WNT3A: variants seen among roughly 807,000 people sequenced by gnomAD.
WNT3A encodes protein Wnt-3a.
WNT3A carries 17 observed loss-of-function variants against 37.0 expected under a neutral mutation model. That is an observed-to-expected ratio of 0.46 (90% CI 0.31 to 0.69). The LOEUF is 0.69. Among genes scored for constraint, WNT3A ranks in the 30% least tolerant of loss-of-function variants. The pLI, the probability that WNT3A is intolerant of heterozygous loss-of-function variation, is 0.05. For missense variants in WNT3A, 411 were observed against 510.2 expected (o/e 0.81, Z 1.87); for synonymous variants, 187 against 211.0 (o/e 0.89, Z 0.99).
At chr1:228,052,846 G>GGGACGTGGA (rs2031587152) in intron 3 of WNT3A, among the ~76,000 whole-genome samples, 1 of 152,298 alleles carries the variant, frequency 6.6e-6, no homozygotes, top group South Asian at 2.1e-4. Flanking sequence ...TGGGAGAAAT[G>GGGACGTGGA]GGCTTTTCAA....
chr1:228,016,193 C>T (rs548224130), intron 1 of WNT3A, among the ~76,000 whole-genome samples: 1 of 152,120 alleles, frequency 6.6e-6, no homozygotes, highest in Non-Finnish European at 1.5e-5. Flanking sequence ...CCCAAGGGAG[C>T]CCCCAAGGAC....
chr1:228,036,376 CAT>C (rs899257289), intron 2 of WNT3A, among the ~76,000 whole-genome samples: 11 of 149,178 alleles, frequency 7.4e-5, no homozygotes, highest in South Asian at 2.1e-4. Flanking sequence ...TATGCATGTG[CAT>C]GTGTGTGTGT....
intron 2 of WNT3A, among the ~76,000 whole-genome samples, chr1:228,030,509 C>G (rs553416023): frequency 6.6e-6 from 1 of 152,334 alleles, no homozygotes; most frequent in East Asian, 1.9e-4. Context: ...AGAGGTCTGA[C>G]CCAGTGAGAA....
intron 2 of WNT3A, among the ~76,000 whole-genome samples, chr1:228,025,551 G>A (rs1026257658): frequency 3.3e-5 from 5 of 152,152 alleles, no homozygotes; most frequent in Non-Finnish European, 7.3e-5. Context: ...ATTTTGCTGT[G>A]TTTCCCAGAC....
rs751711828 is a variant in WNT3A at position 228,059,377 on chromosome 1, G to C, written c.971G>C (p.Arg324Pro). The change falls in exon 4 of 4, where the codon CGG becomes CCG. Residue 324 changes from arginine to proline, a missense_variant. Coordinates refer to ENST00000284523, the MANE Select transcript of WNT3A (RefSeq NM_033131.4). The part of the protein sequence containing the change: ...RGHNARAERR[R>P]EKCRCVFHWC... The stretch of plus-strand genomic sequence containing the variant: ...CACAACGCGCGAGCGGAGCGGCGCC[G>C]GGAGAAGTGCCGCTGCGTGTTCCAC... 6.4e-7 allele frequency: 1 copy of C among 1,562,184 alleles called. No homozygotes were observed. The highest frequency in any genetic ancestry group is 1.4e-5 in the African/African-American group (1 of 73,860).
intron 2 of WNT3A, among the ~76,000 whole-genome samples, chr1:228,046,320 T>A (rs2031405136): frequency 6.6e-6 from 1 of 151,100 alleles, no homozygotes; most frequent in African/African-American, 2.4e-5. Context: ...GGGGTGTGTG[T>A]GTGTGTGCAT....
chr1:228,033,182 G>A lies in WNT3A; in HGVS notation c.313+10274G>A, dbSNP rs544993777. ...ATACATGCAAGATTTTAATTTTGAC[G>A]AATTCCAAGTTATCAGTTTTTTATT... is the stretch of plus-strand genomic sequence containing the variant. On this transcript the variant is annotated intron_variant, in intron 2 of 3. Transcript: ENST00000284523. Among the ~76,000 whole-genome samples, 49 of 152,270 alleles carry A rather than the reference G, an allele frequency of 3.2e-4. 1 individual carries two copies. Among genetic ancestry groups the A allele is most frequent in the African/African-American group, 1.1e-3 (46 of 41,540 alleles).
intron 2 of WNT3A, among the ~76,000 whole-genome samples, chr1:228,035,956 G>T (rs1429387228): frequency 6.6e-6 from 1 of 152,212 alleles, no homozygotes; most frequent in Non-Finnish European, 1.5e-5. Flanking sequence ...GAAAGGGGAA[G>T]TCCCGGCTCC....
chr1:228,014,455 C>T (rs369541337), intron 1 of WNT3A, among the ~76,000 whole-genome samples: 3 of 152,100 alleles, frequency 2.0e-5, no homozygotes, highest in Admixed American at 6.5e-5. Flanking sequence ...GCTCTGAGTT[C>T]GCTAAATTTT....
chr1:228,021,949 C>T (rs1322057179), intron 1 of WNT3A, among the ~76,000 whole-genome samples: 1 of 152,312 alleles, frequency 6.6e-6, no homozygotes, highest in South Asian at 2.1e-4. Flanking sequence ...GAATGCGGGG[C>T]TGCATCATTT....
Position 228,044,973 on chromosome 1 carries a change from G to C in WNT3A, c.314-5683G>C, listed in dbSNP as rs975206992. 3.1e-4 allele frequency among the ~76,000 whole-genome samples: 47 copies of C among 152,320 alleles called. 1 individual carries two copies. The Middle Eastern group carries it at 0.01, about 33-fold the overall frequency. ...GAAGGCCTGCTCCAGGGTTTTCTCA[G>C]CCTGGCAGGGAGCTCCACCTCCACA... On this transcript the variant is annotated intron_variant, in intron 2 of 3. Coordinates refer to ENST00000284523, the MANE Select transcript of WNT3A (RefSeq NM_033131.4).
At chr1:228,040,872 C>A (rs1421340000) in intron 2 of WNT3A, among the ~76,000 whole-genome samples, 23 of 121,004 alleles carry the variant, frequency 1.9e-4, no homozygotes, top group African/African-American at 6.3e-4. Flanking sequence ...GGCGACAGAA[C>A]GAGACTCTAT....
chr1:228,050,971 AG>A lies in WNT3A; in HGVS notation c.579+53del. On this transcript the variant is annotated intron_variant, in intron 3 of 3. Transcript: ENST00000284523. This position sits in a 1 kb window ranked among gnomAD's most constrained non-coding sequence, Gnocchi z 5.0. ...CTTGGGAAAAAGGAGCCTCCTCAGC[AG>A]GGTGTGTGCCCTGGTTCCTTGGGGC... is the stretch of plus-strand genomic sequence containing the variant. 6.7e-7 allele frequency: 1 copy of A among 1,485,844 alleles called. No homozygotes were observed. Among genetic ancestry groups the A allele is most frequent in the Non-Finnish European group, 8.9e-7 (1 of 1,122,334 alleles). 92.0% of individuals were successfully genotyped at this position (1,485,844 alleles called of 1,614,324 possible).
Position 228,050,535 on chromosome 1 carries a change from A to C in WNT3A, c.314-121A>C, listed in dbSNP as rs1004792404. 13 of 1,294,718 alleles carry C rather than the reference A, an allele frequency of 1.0e-5. No individual in the cohort carries two copies. The African/African-American group carries it at 1.5e-4, about 15-fold the overall frequency. 80.2% of individuals were successfully genotyped at this position (1,294,718 alleles called of 1,614,324 possible). A position where few individuals can be genotyped will look rare whatever the true frequency, so the allele number is the denominator to read the frequency against. On this transcript the variant is annotated intron_variant, in intron 2 of 3. Transcript: ENST00000284523. This position sits in a 1 kb window ranked among gnomAD's most constrained non-coding sequence, Gnocchi z 5.0. ...TGAACCAAGTAAGCCTCTTTGCCTT[A>C]TACACCACCCAACCTCACGAGTTCC... is the stretch of plus-strand genomic sequence containing the variant.
Position 228,037,678 on chromosome 1 carries a change from G to A in WNT3A, c.314-12978G>A, listed in dbSNP as rs929083921. Among the ~76,000 whole-genome samples, 6 of 152,184 alleles carry A rather than the reference G, an allele frequency of 3.9e-5. No individual in the cohort carries two copies. The highest frequency in any genetic ancestry group is 3.9e-4 in the Admixed American group (6 of 15,290). On this transcript the variant is annotated intron_variant, in intron 2 of 3. Transcript: ENST00000284523. This position sits in a 1 kb window ranked among gnomAD's most constrained non-coding sequence, Gnocchi z 4.1. The stretch of plus-strand genomic sequence containing the variant: ...CCGTTTAAGATGCGTTGGGGTGGGG[G>A]GCTCCCCTGGCTCCAGCGGCCTCTC...
At chr1:228,011,672 A>T (rs1003412646) in intron 1 of WNT3A, among the ~76,000 whole-genome samples, 2 of 151,968 alleles carry the variant, frequency 1.3e-5, no homozygotes, top group Non-Finnish European at 2.9e-5. Flanking sequence ...TGTCTTTTGC[A>T]GTCTCTGCCT....
chr1:228,008,366 C>G lies in WNT3A; in HGVS notation c.71+1167C>G, dbSNP rs1437501177. On this transcript the variant is annotated intron_variant, in intron 1 of 3. Transcript: ENST00000284523. This position sits in a 1 kb window ranked among gnomAD's most constrained non-coding sequence, Gnocchi z 4.9. Reference sequence around the variant, plus strand: ...CCCAGCGAGCCGAGGTACATCTAATCCGATAATAATTTTTCTCTTCGAGAT... The same window carrying G: ...CCCAGCGAGCCGAGGTACATCTAATGCGATAATAATTTTTCTCTTCGAGAT... Among the ~76,000 whole-genome samples the G allele has an allele frequency of 6.6e-6, 1 of 152,192 alleles. No individual in the cohort carries two copies. Among genetic ancestry groups the G allele is most frequent in the Non-Finnish European group, 1.5e-5 (1 of 68,026 alleles).
intron 3 of WNT3A, among the ~76,000 whole-genome samples, chr1:228,058,629 G>C (rs557705240): frequency 6.6e-6 from 1 of 152,348 alleles, no homozygotes; most frequent in East Asian, 1.9e-4. Context: ...CAGAAGGAAC[G>C]CCTATCCCCC....
At chr1:228,010,699 A>G (rs2030344515) in intron 1 of WNT3A, among the ~76,000 whole-genome samples, 1 of 152,212 alleles carries the variant, frequency 6.6e-6, no homozygotes, top group Non-Finnish European at 1.5e-5. Context: ...CAGTTGTCCC[A>G]GCGAAGTGCA....
Sources: allele counts gnomAD v4.1 joint callset (sites outside exome capture counted in the v4.1 genomes callset), GRCh38; gene constraint gnomAD v4.1.1; non-coding constraint Gnocchi (gnomAD v3.1); transcripts MANE v1.5; gene names NCBI Gene and HGNC (gene_info 2026-07-23, HGNC 2026-07-21).